MITF: variants seen among roughly 807,000 people sequenced by gnomAD.
MITF encodes microphthalmia-associated transcription factor.
In MITF, 17 loss-of-function variants were observed where a neutral mutation model predicts 60.5. That is an observed-to-expected ratio of 0.28 (90% CI 0.19 to 0.42). MITF has a LOEUF of 0.42. Ranked by LOEUF, MITF falls within the 10% of genes least tolerant of loss-of-function variation. MITF has a pLI of 1.00. For missense variants in MITF, 622 were observed against 683.5 expected, an observed-to-expected ratio of 0.91 and a Z score of 1.00; for synonymous variants, 260 against 248.5, an observed-to-expected ratio of 1.05 and a Z score of -0.43.
chr3:69,807,884 A>G (rs1374055067), intron 1 of MITF, among the ~76,000 whole-genome samples: 1 of 152,078 alleles, frequency 6.6e-6, no homozygotes, highest in Non-Finnish European at 1.5e-5. Flanking sequence ...CTGGTTGTAT[A>G]TTTGATGACT....
chr3:69,857,085 T>G (rs1484664593), intron 1 of MITF, among the ~76,000 whole-genome samples: 2 of 152,128 alleles, frequency 1.3e-5, no homozygotes, highest in Non-Finnish European at 2.9e-5. Flanking sequence ...TTGTATGTGG[T>G]GAAAGAATGA....
chr3:69,814,402 C>T (rs1313396394), intron 1 of MITF, among the ~76,000 whole-genome samples: 1 of 152,074 alleles, frequency 6.6e-6, no homozygotes, highest in Admixed American at 6.6e-5. Context: ...AATCATGGCT[C>T]ACTGCTGCCT....
At chr3:69,813,683 T>C (rs2063136577) in intron 1 of MITF, among the ~76,000 whole-genome samples, 1 of 152,218 alleles carries the variant, frequency 6.6e-6, no homozygotes, top group African/African-American at 2.4e-5. Flanking sequence ...GAATGGAGTA[T>C]ACAATACCGT....
At chr3:69,825,669 G>A (rs1420614189) in intron 1 of MITF, among the ~76,000 whole-genome samples, 2 of 152,144 alleles carry the variant, frequency 1.3e-5, no homozygotes, top group African/African-American at 2.4e-5. Context: ...GCAGCAGTAT[G>A]ATATGGGCCA....
In MITF at chr3:69,811,574, G is replaced by C. The variant is rs558956056; in HGVS notation, c.105-67560G>C. Among the ~76,000 whole-genome samples the C allele has an allele frequency of 3.9e-5, 6 of 152,306 alleles. No individual in the cohort carries two copies. The South Asian group carries it at 1.2e-3, about 32-fold the overall frequency. On this transcript the variant is annotated intron_variant, in intron 1 of 9. Transcript: ENST00000352241. ...TATGAATTATCTGTTTCCCAGAATGGTTTCCAGCCTGCTGCCTCGTTCCCT... is the reference window on the plus strand; with the variant it reads ...TATGAATTATCTGTTTCCCAGAATGCTTTCCAGCCTGCTGCCTCGTTCCCT...
intron 1 of MITF, among the ~76,000 whole-genome samples, chr3:69,842,545 G>A (rs999751614): frequency 2.0e-5 from 3 of 152,178 alleles, no homozygotes; most frequent in Non-Finnish European, 4.4e-5. Context: ...TGAGTGTGAT[G>A]CATAACACTC....
At chr3:69,875,460 C>T (rs1219022267) in intron 1 of MITF, among the ~76,000 whole-genome samples, 1 of 152,164 alleles carries the variant, frequency 6.6e-6, no homozygotes, top group Admixed American at 6.5e-5. Context: ...CAGCACCTGG[C>T]AATAACTATT....
chr3:69,943,194 A>T (rs2066011528), intron 5 of MITF, among the ~76,000 whole-genome samples: 1 of 150,320 alleles, frequency 6.7e-6, no homozygotes, highest in African/African-American at 2.5e-5. Flanking sequence ...GTGCCACTAC[A>T]CCTGGCCTGA....
chr3:69,813,054 G>T (rs971391523), intron 1 of MITF, among the ~76,000 whole-genome samples: 15 of 152,116 alleles, frequency 9.9e-5, no homozygotes, highest in African/African-American at 3.4e-4. Flanking sequence ...CACTTACAAT[G>T]TACTATTCCA....
At chr3:69,931,995 A>G (rs1042304322) in intron 2 of MITF, among the ~76,000 whole-genome samples, 1 of 152,226 alleles carries the variant, frequency 6.6e-6, no homozygotes, top group African/African-American at 2.4e-5. Flanking sequence ...TCTTACAAAG[A>G]TGCTTGTCCA....
intron 1 of MITF, among the ~76,000 whole-genome samples, chr3:69,826,084 C>T (rs2063349911): frequency 6.6e-6 from 1 of 152,102 alleles, no homozygotes; most frequent in South Asian, 2.1e-4. Flanking sequence ...GGAGAATGTA[C>T]ATATTATAAG....
intron 1 of MITF, among the ~76,000 whole-genome samples, chr3:69,801,993 A>G (rs2062928730): frequency 6.6e-6 from 1 of 152,080 alleles, no homozygotes; most frequent in Admixed American, 6.5e-5. Context: ...TATTGTTAGT[A>G]TTGTCATTAT....
chr3:69,905,081 T>G (rs948005513), intron 2 of MITF, among the ~76,000 whole-genome samples: 1 of 152,152 alleles, frequency 6.6e-6, no homozygotes, highest in Non-Finnish European at 1.5e-5. Flanking sequence ...TCAAGAAAAT[T>G]AACATATCCT....
At chr3:69,877,760 C>T (rs1252773738) in intron 1 of MITF, among the ~76,000 whole-genome samples, 1 of 152,094 alleles carries the variant, frequency 6.6e-6, no homozygotes, top group Non-Finnish European at 1.5e-5. Flanking sequence ...CTTTAAGGAG[C>T]TCATGAGGAT....
At chr3:69,759,712 A>G (rs189510066) in intron 1 of MITF, among the ~76,000 whole-genome samples, 2 of 152,214 alleles carry the variant, frequency 1.3e-5, no homozygotes, top group Non-Finnish European at 2.9e-5. Context: ...ATTTTAAAAC[A>G]CTATCTGCTC....
intron 1 of MITF, among the ~76,000 whole-genome samples, chr3:69,757,685 A>G (rs571057139): frequency 2.6e-5 from 4 of 152,156 alleles, no homozygotes; most frequent in Non-Finnish European, 5.9e-5. Flanking sequence ...TTCAGAATAG[A>G]TATATTTCTT....
intron 1 of MITF, among the ~76,000 whole-genome samples, chr3:69,863,456 C>T (rs766379826): frequency 3.3e-5 from 5 of 152,154 alleles, no homozygotes; most frequent in Non-Finnish European, 7.4e-5. Context: ...GATTGTCCAA[C>T]ATAAAAAGTC....
At chr3:69,761,186 ATTCT>A (rs993028274) in intron 1 of MITF, among the ~76,000 whole-genome samples, 2 of 152,014 alleles carry the variant, frequency 1.3e-5, no homozygotes, top group Admixed American at 6.5e-5. Flanking sequence ...ATTAAAAAAA[ATTCT>A]TTCTGTGTTA....
At chr3:69,761,439 C>G (rs184918258) in intron 1 of MITF, among the ~76,000 whole-genome samples, 1 of 152,304 alleles carries the variant, frequency 6.6e-6, no homozygotes, top group Non-Finnish European at 1.5e-5. Flanking sequence ...AAACTGAGGA[C>G]TGTCTGACTT....
Sources: gnomAD v4.1 joint callset for allele counts (sites outside exome capture counted in the v4.1 genomes callset) on GRCh38, gnomAD v4.1.1 for gene constraint, MANE v1.5 for transcripts, NCBI Gene and HGNC (gene_info 2026-07-23, HGNC 2026-07-21) for gene names.